Variants in PRKCSH observed in about 807,000 individuals in gnomAD.
PRKCSH encodes the protein PRKCSH beta subunit of glucosidase II.
PRKCSH carries 42 observed loss-of-function variants against 79.7 expected under a neutral mutation model. The ratio of observed to expected loss-of-function variants is 0.53; its 90% CI spans 0.41 to 0.68. The LOEUF is 0.68. Ranked by LOEUF, PRKCSH falls within the 30% of genes least tolerant of loss-of-function variation. PRKCSH has a pLI of 0.00. For missense variants in PRKCSH, 686 were observed against 709.0 expected (o/e 0.97, Z 0.37); for synonymous variants, 325 against 288.2 (o/e 1.13, Z -1.29).
chr19:11,448,126 G>A lies in PRKCSH; in HGVS notation c.1127-96G>A. On this transcript the variant is annotated intron_variant, in intron 12 of 17. Coordinates refer to ENST00000677123, the MANE Select transcript of PRKCSH (RefSeq NM_001289104.2). The surrounding 1 kb of genome is among the most constrained non-coding windows in gnomAD (Gnocchi z 4.4). Reference sequence around the variant, plus strand: ...GTGAAGTCCTTGGCCAGAGCAAAATGAGGGTATGGGAGCACACAGCCACAT... The same window carrying A: ...GTGAAGTCCTTGGCCAGAGCAAAATAAGGGTATGGGAGCACACAGCCACAT... 4 of 1,304,446 alleles carry A rather than the reference G, an allele frequency of 3.1e-6. No homozygotes were observed. In the East Asian group the frequency reaches 1.0e-4, roughly 33 times the overall value. 80.8% of individuals were successfully genotyped at this position (1,304,446 alleles called of 1,614,324 possible). A position where few individuals can be genotyped will look rare whatever the true frequency, so the allele number is the denominator to read the frequency against.
At chr19:11,438,753 TCAAAAAAAAAG>T (rs1416541439) in intron 5 of PRKCSH, among the ~76,000 whole-genome samples, 1 of 114,460 alleles carries the variant, frequency 8.7e-6, no homozygotes, top group African/African-American at 3.4e-5. Flanking sequence ...AGACTCCGTC[TCAAAAAAAAAG>T]CAAAAAAAAA....
At chr19:11,439,107 A>G (rs1479931484) in intron 5 of PRKCSH, among the ~76,000 whole-genome samples, 1 of 151,970 alleles carries the variant, frequency 6.6e-6, no homozygotes, top group Non-Finnish European at 1.5e-5. Context: ...TGGTTTCACT[A>G]TGTTGGCCAG....
In PRKCSH at chr19:11,447,492, G is replaced by A. The variant is rs774417384; in HGVS notation, c.903G>A (p.Lys301=). The A allele has an allele frequency of 1.9e-6, 3 of 1,613,826 alleles. No homozygotes were observed. The highest frequency in any genetic ancestry group is 2.5e-6 in the Non-Finnish European group (3 of 1,179,948). The change falls in exon 11 of 18, where the codon AAG becomes AAA. Residue 301 remains lysine, a synonymous_variant. Transcript: ENST00000677123. The surrounding 1 kb of genome is among the most constrained non-coding windows in gnomAD (Gnocchi z 5.6). ...CTGCCCCTGACTTGACGGAGCCCAAGGAGGAGCAGCCGCCAGTGCCCTCGT... is the reference window on the plus strand; with the variant it reads ...CTGCCCCTGACTTGACGGAGCCCAAAGAGGAGCAGCCGCCAGTGCCCTCGT... ...APSAPDLTEP[K]EEQPPVPSSP... is the part of the protein sequence containing the mutation.
At position 11,436,033 on chromosome 19, in the gene PRKCSH, T is replaced by C; in HGVS notation, c.-77-8T>C. 6.4e-7 allele frequency: 1 copy of C among 1,560,644 alleles called. No individual in the cohort carries two copies. The highest frequency in any genetic ancestry group is 1.1e-5 in the South Asian group (1 of 90,212). On this transcript the variant is annotated splice_region_variant and splice_polypyrimidine_tract_variant and intron_variant, in intron 1 of 17. Transcript: ENST00000677123. ...TCCCACTGACCGGGATCCGCTTTCTTCCTGCAGCGTGAAGACACAGCGCAT... is the reference window on the plus strand; with the variant it reads ...TCCCACTGACCGGGATCCGCTTTCTCCCTGCAGCGTGAAGACACAGCGCAT...
intron 5 of PRKCSH, among the ~76,000 whole-genome samples, chr19:11,438,726 GC>G (rs1326076303): frequency 6.8e-6 from 1 of 147,892 alleles, no homozygotes; most frequent in African/African-American, 2.5e-5. Context: ...CTGCAATCCA[GC>G]CTGGGCAACA....
rs367986051 is a variant in PRKCSH, at chr19:11,449,349, G to A, written c.1545G>A (p.Thr515=). The A allele has an allele frequency of 1.1e-4, 182 of 1,613,308 alleles. No homozygotes were observed. Among genetic ancestry groups the A allele is most frequent in the Non-Finnish European group, 1.5e-4 (174 of 1,179,972 alleles). Residue 515 remains threonine, a synonymous_variant, in exon 17 of 18, where the codon ACG becomes ACA. Transcript: ENST00000677123. This position sits in a 1 kb window ranked among gnomAD's most constrained non-coding sequence, Gnocchi z 6.4. ...SRCEYLMELM[T]PAACPEPPPE... is the part of the protein sequence containing the mutation. ...GCGAGTACCTCATGGAGCTGATGAC[G>A]CCAGCCGCCTGCCCGGAGCCACCGC... is the stretch of plus-strand genomic sequence containing the variant.
chr19:11,449,552 TG>T lies in PRKCSH; in HGVS notation c.*16+125del, dbSNP rs1306248688. 8 of 1,381,362 alleles carry T rather than the reference TG, an allele frequency of 5.8e-6. No individual in the cohort carries two copies. The African/African-American group carries it at 1.2e-4, about 20-fold the overall frequency. 85.6% of individuals were successfully genotyped at this position (1,381,362 alleles called of 1,614,324 possible). On this transcript the variant is annotated intron_variant, in intron 17 of 17. Transcript: ENST00000677123. The surrounding 1 kb of genome is among the most constrained non-coding windows in gnomAD (Gnocchi z 6.4). Reference sequence around the variant, plus strand: ...CCCCATGTTCCCTGCTTTTTTGTTTTGTTTTTTTGAGGTGGAGTCTCACTCT... The same window carrying T: ...CCCCATGTTCCCTGCTTTTTTGTTTTTTTTTTTGAGGTGGAGTCTCACTCT...
rs3211439 is a variant in PRKCSH, at chr19:11,449,395, G to T, written c.1591G>T (p.Asp531Tyr). The T allele has an allele frequency of 1.9e-6, 3 of 1,613,264 alleles. No individual in the cohort carries two copies. Among genetic ancestry groups the T allele is most frequent in the Non-Finnish European group, 2.5e-6 (3 of 1,179,954 alleles). ...EPPPEAPTEDDHDEL is the reference protein window; with the variant it reads ...EPPPEAPTEDYHDEL ...ACCGCCTGAAGCACCCACCGAAGAC[G>T]ACCATGACGAGCTCTAGCTGGATGG... Residue 531 changes from aspartate to tyrosine, a missense_variant, in exon 17 of 18, where the codon GAC becomes TAC. By Grantham distance (160) the Asp-to-Tyr change is radical. Around this residue, in one of 2 missense-constraint regions of PRKCSH, gnomAD observed 137 missense variants for 188.8 expected, o/e 0.73. Coordinates refer to ENST00000677123, the MANE Select transcript of PRKCSH (RefSeq NM_001289104.2). The surrounding 1 kb of genome is among the most constrained non-coding windows in gnomAD (Gnocchi z 6.4).
Position 11,442,469 on chromosome 19 carries a change from G to A in PRKCSH, c.552G>A (p.Glu184=). ...EMLRTVKEEA[E]KPEREAKEQH... Reference sequence around the variant, plus strand: ...TGCGGACAGTGAAGGAGGAAGCTGAGAAGCCAGAGAGAGAGGCCAAAGAGC... The same window carrying A: ...TGCGGACAGTGAAGGAGGAAGCTGAAAAGCCAGAGAGAGAGGCCAAAGAGC... The change falls in exon 7 of 18, where the codon GAG becomes GAA. Residue 184 remains glutamate (E), a synonymous_variant. Transcript: ENST00000677123. 6.2e-7 allele frequency: 1 copy of A among 1,612,336 alleles called. No individual in the cohort carries two copies. Among genetic ancestry groups the A allele is most frequent in the Non-Finnish European group, 8.5e-7 (1 of 1,179,462 alleles).
In PRKCSH at chr19:11,447,866, C is replaced by T. The variant is rs1599507085; in HGVS notation, c.1126+77C>T. ...GTGGTGGCACAGGTCGAGGGAAGAT[C>T]CTGAGCTTAGACCCTGCTCTGACTC... is the stretch of plus-strand genomic sequence containing the variant. On this transcript the variant is annotated intron_variant, in intron 12 of 17. Coordinates refer to ENST00000677123, the MANE Select transcript of PRKCSH (RefSeq NM_001289104.2). The surrounding 1 kb of genome is among the most constrained non-coding windows in gnomAD (Gnocchi z 5.6). 9 of 1,446,790 alleles carry T rather than the reference C, an allele frequency of 6.2e-6. No individual in the cohort carries two copies. The highest frequency in any genetic ancestry group is 2.7e-5 in the South Asian group (2 of 74,030). The allele number at this position is 1,446,790 out of a possible 1,614,324, so 89.6% of individuals were successfully genotyped here.
In PRKCSH at chr19:11,448,679, G is replaced by C. The variant is rs897724387; in HGVS notation, c.1286+50G>C. The C allele has an allele frequency of 6.4e-7, 1 of 1,556,214 alleles. No homozygotes were observed. The highest frequency in any genetic ancestry group is 1.1e-5 in the South Asian group (1 of 89,892). Reference sequence around the variant, plus strand: ...CCCACTGGCAGGGTGGGAGGCGGGTGGCCCCGGAAGTGGCACCGGCAGTTT... The same window carrying C: ...CCCACTGGCAGGGTGGGAGGCGGGTCGCCCCGGAAGTGGCACCGGCAGTTT... On this transcript the variant is annotated intron_variant, in intron 14 of 17. Transcript: ENST00000677123. The surrounding 1 kb of genome is among the most constrained non-coding windows in gnomAD (Gnocchi z 4.4).
At position 11,447,400 on chromosome 19, in the gene PRKCSH, C is replaced by A. The variant is rs746428076; in HGVS notation, c.850-39C>A. 6.3e-7 allele frequency: 1 copy of A among 1,594,826 alleles called. No individual in the cohort carries two copies. On this transcript the variant is annotated intron_variant, in intron 10 of 17. Transcript: ENST00000677123. The surrounding 1 kb of genome is among the most constrained non-coding windows in gnomAD (Gnocchi z 5.6). ...TGTGAGCCTGAGGGTGTGGGTGGACCCTGAGTCCACAACACCGACCGCACT... is the reference window on the plus strand; with the variant it reads ...TGTGAGCCTGAGGGTGTGGGTGGACACTGAGTCCACAACACCGACCGCACT...
chr19:11,445,967 G>C, intron 8 of PRKCSH: 3 of 543,886 alleles, frequency 5.5e-6, no homozygotes, highest in Admixed American at 6.2e-5. Flanking sequence ...GACCAAGGCA[G>C]ATGGCAGCTT....
chr19:11,448,758 A>G lies in PRKCSH; in HGVS notation c.1286+129A>G, dbSNP rs1192127619. ...GGGGCCCGAGAGTGCTGCCTTCCAT[A>G]TTGAGGGGGAGCAGAAGCCAGGGGC... On this transcript the variant is annotated intron_variant, in intron 14 of 17. Coordinates refer to ENST00000677123, the MANE Select transcript of PRKCSH (RefSeq NM_001289104.2). This position sits in a 1 kb window ranked among gnomAD's most constrained non-coding sequence, Gnocchi z 4.4. The G allele has an allele frequency of 1.5e-6, 2 of 1,304,758 alleles. No individual in the cohort carries two copies. Among genetic ancestry groups the G allele is most frequent in the East Asian group, 2.3e-5 (1 of 43,328 alleles). The allele number at this position is 1,304,758 out of a possible 1,614,324, so 80.8% of individuals were successfully genotyped here. A position where few individuals can be genotyped will look rare whatever the true frequency, so the allele number is the denominator to read the frequency against.
chr19:11,445,297 G>C, intron 7 of PRKCSH, 92 bp from the exon 8 acceptor site: 2 of 1,202,054 alleles, frequency 1.7e-6, no homozygotes, highest in Non-Finnish European at 2.4e-6. Flanking sequence ...CAGGCATATA[G>C]TAGGCGCTTG....
At chr19:11,443,018 A>G (rs1970134077) in intron 7 of PRKCSH, among the ~76,000 whole-genome samples, 1 of 151,836 alleles carries the variant, frequency 6.6e-6, no homozygotes, top group Non-Finnish European at 1.5e-5. Flanking sequence ...ACTTCCTTTT[A>G]ACATCAATGT....
At position 11,449,699 on chromosome 19, in the gene PRKCSH, T is replaced by C. The variant is rs549114289; in HGVS notation, c.*16+271T>C. The C allele has an allele frequency of 8.4e-6, 4 of 475,712 alleles. No individual in the cohort carries two copies. The highest frequency in any genetic ancestry group is 1.5e-5 in the Non-Finnish European group (4 of 259,618). 29.5% of individuals were successfully genotyped at this position (475,712 alleles called of 1,614,324 possible). A position where few individuals can be genotyped will look rare whatever the true frequency, so the allele number is the denominator to read the frequency against. On this transcript the variant is annotated intron_variant, in intron 17 of 17. Transcript: ENST00000677123. This position sits in a 1 kb window ranked among gnomAD's most constrained non-coding sequence, Gnocchi z 6.4. The stretch of plus-strand genomic sequence containing the variant: ...CTGGGATTACAGGTGTGCACCACCA[T>C]GCCTGGCTAATTTTTAGTAGAGATG...
chr19:11,450,902 C>T lies in PRKCSH; in HGVS notation c.*273C>T, dbSNP rs1422051865. 1 of 152,368 alleles carries T rather than the reference C, an allele frequency of 6.6e-6. No individual in the cohort carries two copies. Among genetic ancestry groups the T allele is most frequent in the Non-Finnish European group, 1.5e-5 (1 of 68,128 alleles). The allele number at this position is 152,368 out of a possible 1,614,324, so 9.4% of individuals were successfully genotyped here. On this transcript the variant is annotated 3_prime_UTR_variant, in exon 18 of 18. Transcript: ENST00000677123. ...CCCCAGCCCTGTCCCTGCCACCCCT[C>T]CTAGTGGGGACTAGTGAATGACTTG...
At chr19:11,437,202 GT>G (rs910196328) in intron 3 of PRKCSH, among the ~76,000 whole-genome samples, 4 of 146,622 alleles carry the variant, frequency 2.7e-5, no homozygotes, top group African/African-American at 7.6e-5. Context: ...CGCCCAGCTA[GT>G]TTTTTTTTGT....
Sources: gnomAD v4.1 joint callset for allele counts (sites outside exome capture counted in the v4.1 genomes callset) on GRCh38, gnomAD v4.1.1 for gene constraint, gnomAD v4.1.1 regional missense constraint, Gnocchi (gnomAD v3.1) non-coding constraint, MANE v1.5 for transcripts, NCBI Gene and HGNC (gene_info 2026-07-23, HGNC 2026-07-21) for gene names.